Variants in COL21A1 observed in about 807,000 individuals in gnomAD.
COL21A1 encodes collagen alpha-1(XXI) chain.
In COL21A1, 149 loss-of-function variants were observed where a neutral mutation model predicts 137.9. The observed-to-expected ratio is 1.08, with a 90% CI of 0.95 to 1.24. The LOEUF (loss-of-function observed/expected upper bound fraction) is 1.24, where lower values mean the gene tolerates loss of function less well. Among genes scored for constraint, COL21A1 ranks in the 50% most tolerant of loss-of-function variants. The pLI, the probability that COL21A1 is intolerant of heterozygous loss-of-function variation, is 0.00. For missense variants in COL21A1, 1,167 were observed against 1,158.4 expected, an observed-to-expected ratio of 1.01 and a Z score of -0.11; for synonymous variants, 456 against 391.5, an observed-to-expected ratio of 1.16 and a Z score of -1.95.
At chr6:56,143,973 T>G (rs1260125283) in intron 10 of COL21A1, among the ~76,000 whole-genome samples, 1 of 152,206 alleles carries the variant, frequency 6.6e-6, no homozygotes, top group African/African-American at 2.4e-5. Context: ...TTTAGTAATC[T>G]CATGTTTCCT....
intron 1 of COL21A1, among the ~76,000 whole-genome samples, chr6:56,268,181 A>T (rs1763439407): frequency 6.6e-6 from 1 of 152,200 alleles, no homozygotes. Flanking sequence ...GGTGAAATGC[A>T]TGGGTTCATG....
intron 1 of COL21A1, among the ~76,000 whole-genome samples, chr6:56,254,246 A>C (rs1040851627): frequency 8.5e-5 from 13 of 152,252 alleles, no homozygotes; most frequent in Admixed American, 1.3e-4. Context: ...TTCTTCTTAC[A>C]GAAACTCTTC....
At chr6:56,189,379 A>T (rs2152288590) in intron 1 of COL21A1, among the ~76,000 whole-genome samples, 1 of 152,132 alleles carries the variant, frequency 6.6e-6, no homozygotes, top group South Asian at 2.1e-4. Flanking sequence ...GAAATTGAAG[A>T]TCAACTTAAT....
rs138362422 is a variant in COL21A1, at chr6:56,207,979, A to G, written c.-38-25323T>C. Among the ~76,000 whole-genome samples, 598 of 152,226 alleles carry G rather than the reference A, an allele frequency of 3.9e-3. 2 individuals carry two copies. Among genetic ancestry groups the G allele is most frequent in the Middle Eastern group, 6.8e-3 (2 of 294 alleles). ...CAGAAAAGGCCTTCGACAAAATTCA[A>G]CAGCCCTTCATGCTAAAAACTCTCC... On this transcript the variant is annotated intron_variant, in intron 1 of 29. Transcript: ENST00000244728.
At chr6:56,061,779 T>G in intron 24 of COL21A1, 98 bp from the exon 25 acceptor site, 34 of 740,386 alleles carry the variant, frequency 4.6e-5, no homozygotes, top group Non-Finnish European at 6.5e-5. Context: ...ATTTAAAATT[T>G]CAATTTGGAA....
At chr6:56,086,281 C>T (rs946395071) in intron 17 of COL21A1, among the ~76,000 whole-genome samples, 4 of 151,776 alleles carry the variant, frequency 2.6e-5, no homozygotes, top group Admixed American at 2.6e-4. Context: ...TACAGTTGAC[C>T]CTTGAACTAC....
intron 1 of COL21A1, among the ~76,000 whole-genome samples, chr6:56,233,176 G>A (rs761900187): frequency 7.9e-5 from 12 of 151,740 alleles, no homozygotes; most frequent in Non-Finnish European, 1.8e-4. Flanking sequence ...CAAAACCCAA[G>A]AGAAGAAGCA....
chr6:56,299,311 C>T (rs1432007165), intron 1 of COL21A1, among the ~76,000 whole-genome samples: 2 of 152,028 alleles, frequency 1.3e-5, no homozygotes, highest in East Asian at 3.8e-4. Context: ...TTTCAAATGC[C>T]AAATTGGATT....
intron 1 of COL21A1, among the ~76,000 whole-genome samples, chr6:56,325,956 ATATATAATATATATTATATAT>A (rs1765072485): frequency 5.0e-4 from 4 of 8,070 alleles, no homozygotes; most frequent in African/African-American, 3.0e-3. Context: ...ATTATATAAT[ATATATAATATATATTATATAT>A]TATATAATAT....
At chr6:56,137,266 A>G (rs951803338) in intron 12 of COL21A1, among the ~76,000 whole-genome samples, 1 of 152,192 alleles carries the variant, frequency 6.6e-6, no homozygotes, top group African/African-American at 2.4e-5. Flanking sequence ...GGGAATGCAT[A>G]TGGACAAAAT....
At chr6:56,118,291 C>G (rs1172125060) in intron 16 of COL21A1, among the ~76,000 whole-genome samples, 1 of 151,556 alleles carries the variant, frequency 6.6e-6, no homozygotes, top group Non-Finnish European at 1.5e-5. Flanking sequence ...TCATTAGTGG[C>G]TACTATGAGC....
intron 1 of COL21A1, among the ~76,000 whole-genome samples, chr6:56,323,354 GT>G (rs1268837763): frequency 1.3e-5 from 2 of 151,978 alleles, no homozygotes; most frequent in Non-Finnish European, 2.9e-5. Context: ...AATTCACATT[GT>G]TTTTCCTTAG....
chr6:56,149,470 A>G (rs879507488), intron 10 of COL21A1, among the ~76,000 whole-genome samples: 8 of 152,210 alleles, frequency 5.3e-5, no homozygotes, highest in African/African-American at 9.6e-5. Flanking sequence ...CCTCACTCCT[A>G]TAGAAAATAG....
At chr6:56,219,287 C>A (rs1780684586) in intron 1 of COL21A1, among the ~76,000 whole-genome samples, 2 of 149,840 alleles carry the variant, frequency 1.3e-5, no homozygotes, top group South Asian at 4.2e-4. Flanking sequence ...ATCCACTACA[C>A]CACTACAGCT....
intron 5 of COL21A1, 106 bp downstream of exon 5, chr6:56,170,543 T>C: frequency 5.5e-6 from 4 of 732,802 alleles, no homozygotes; most frequent in Non-Finnish European, 8.8e-6. Flanking sequence ...AGTAAAAATA[T>C]TTCCAATCAT....
At chr6:56,212,929 C>T (rs1391735046) in intron 1 of COL21A1, among the ~76,000 whole-genome samples, 1 of 152,056 alleles carries the variant, frequency 6.6e-6, no homozygotes, top group African/African-American at 2.4e-5. Flanking sequence ...AAGCATTACA[C>T]AGCTTAAAGA....
At chr6:56,085,402 C>A (rs1768145704) in intron 17 of COL21A1, among the ~76,000 whole-genome samples, 1 of 151,666 alleles carries the variant, frequency 6.6e-6, no homozygotes. Flanking sequence ...AAACAAAACA[C>A]AAAATATTAT....
At chr6:56,120,799 TAAA>T (rs34706290) in intron 16 of COL21A1, among the ~76,000 whole-genome samples, 7 of 136,330 alleles carry the variant, frequency 5.1e-5, no homozygotes, top group Admixed American at 2.2e-4. Context: ...TGTCTCAATT[TAAA>T]AAAAAAAAAA....
chr6:56,166,965 G>C lies in COL21A1; in HGVS notation c.1219C>G (p.Arg407Gly). ...ETVQFDVQKL[R>G]IYCDPEQNNR... ...TTCTGTTCTGGGTCACAGTAGATTCGCAACTTTTGGACATCAAACTAAGAA... is the reference window on the plus strand; with the variant it reads ...TTCTGTTCTGGGTCACAGTAGATTCCCAACTTTTGGACATCAAACTAAGAA... The change falls in exon 7 of 30, where the codon CGA becomes GGA. Residue 407 changes from arginine (R) to glycine (G), a missense_variant. Coordinates refer to ENST00000244728, the MANE Select transcript of COL21A1 (RefSeq NM_030820.4). The C allele has an allele frequency of 1.9e-6, 3 of 1,611,518 alleles. No homozygotes were observed. Among genetic ancestry groups the C allele is most frequent in the Admixed American group, 1.7e-5 (1 of 59,812 alleles).
Sources: gnomAD v4.1 joint callset for allele counts (sites outside exome capture counted in the v4.1 genomes callset) on GRCh38, gnomAD v4.1.1 for gene constraint, MANE v1.5 for transcripts, NCBI Gene and HGNC (gene_info 2026-07-23, HGNC 2026-07-21) for gene names.